Variants in GRB14 observed in about 807,000 individuals in gnomAD.
GRB14 encodes growth factor receptor-bound protein 14.
In GRB14, 38 loss-of-function variants were observed where a neutral mutation model predicts 69.1. The ratio of observed to expected loss-of-function variants is 0.55; its 90% CI spans 0.42 to 0.72. The LOEUF is 0.72. Among genes scored for constraint, GRB14 ranks in the 30% least tolerant of loss-of-function variants. GRB14 has a pLI of 0.00. For synonymous variants in GRB14, 247 were observed against 241.3 expected (o/e 1.02, Z -0.22); for missense variants, 666 against 666.1 (o/e 1.00, Z 0.00).
At chr2:164,528,388 G>T (rs1687836244) in intron 3 of GRB14, among the ~76,000 whole-genome samples, 1 of 152,018 alleles carries the variant, frequency 6.6e-6, no homozygotes, top group African/African-American at 2.4e-5. Context: ...TAAGGAATAT[G>T]GAAACTCTCT....
chr2:164,503,380 A>G (rs1687112832), intron 8 of GRB14, among the ~76,000 whole-genome samples: 1 of 149,330 alleles, frequency 6.7e-6, no homozygotes, highest in African/African-American at 2.5e-5. Flanking sequence ...TTTTTCTACT[A>G]AAGAAAAATA....
intron 5 of GRB14, 34 bp downstream of exon 5, chr2:164,524,970 A>G: frequency 8.5e-7 from 1 of 1,178,766 alleles, no homozygotes; most frequent in South Asian, 1.4e-5. Flanking sequence ...TCATTATGCT[A>G]TTATTTATAT....
chr2:164,526,881 AT>A (rs1574272534), intron 4 of GRB14, 132 bp downstream of exon 4: 5 of 447,454 alleles, frequency 1.1e-5, no homozygotes, highest in African/African-American at 1.0e-4. Context: ...TATGGGTATA[AT>A]TTCAAAGGAC....
intron 3 of GRB14, among the ~76,000 whole-genome samples, chr2:164,542,252 C>A (rs570857595): frequency 5.9e-5 from 9 of 152,240 alleles, no homozygotes; most frequent in Admixed American, 2.0e-4. Context: ...TGGACCCCTA[C>A]CTTGCACCAC....
chr2:164,609,019 T>C (rs1205830809), intron 2 of GRB14, among the ~76,000 whole-genome samples: 2 of 152,218 alleles, frequency 1.3e-5, no homozygotes, highest in East Asian at 1.9e-4. Context: ...ATCATGTATA[T>C]GTTTTATTCT....
chr2:164,559,856 T>A (rs186047707), intron 2 of GRB14, among the ~76,000 whole-genome samples: 6 of 152,328 alleles, frequency 3.9e-5, no homozygotes, highest in Admixed American at 3.9e-4. Context: ...ATTAAAGGAA[T>A]CTCCATACTG....
chr2:164,517,273 C>T (rs1312458835), intron 6 of GRB14, among the ~76,000 whole-genome samples: 1 of 152,064 alleles, frequency 6.6e-6, no homozygotes, highest in Non-Finnish European at 1.5e-5. Context: ...TGGGAATGAC[C>T]TGCTCCCATG....
At chr2:164,520,277 T>C (rs558298792) in intron 6 of GRB14, among the ~76,000 whole-genome samples, 7 of 152,188 alleles carry the variant, frequency 4.6e-5, no homozygotes, top group African/African-American at 7.2e-5. Flanking sequence ...AGTCAACAAA[T>C]GGTGCTGGGA....
intron 2 of GRB14, among the ~76,000 whole-genome samples, chr2:164,575,286 A>T (rs2105333521): frequency 6.6e-6 from 1 of 152,322 alleles, no homozygotes; most frequent in African/African-American, 2.4e-5. Context: ...AATATATAAA[A>T]TCTTGTTTTC....
rs75536691 is a variant in GRB14, at chr2:164,525,008, A to G, written c.674T>C (p.Leu225Ser). The change falls in exon 5 of 14, where the codon TTG becomes TCG. Residue 225 changes from leucine to serine, a missense_variant. Transcript: ENST00000263915. ...GTTAATAAAAATATATTTTACCTGC[A>G]AAATCTGTGTGGGGGATATTTCACC... is the stretch of plus-strand genomic sequence containing the variant. ...TNGEISPTQI[L>S]QMFLSSSTYP... is the part of the protein sequence containing the mutation. 7.2e-4 allele frequency: 1,126 copies of G among 1,558,066 alleles called. 16 individuals are homozygous for G. The East Asian group carries it at 0.024, about 33-fold the overall frequency.
intron 2 of GRB14, among the ~76,000 whole-genome samples, chr2:164,563,907 A>G (rs1332068868): frequency 6.6e-6 from 1 of 152,222 alleles, no homozygotes; most frequent in East Asian, 1.9e-4. Context: ...AATAAACAAG[A>G]TAGAGCAACT....
chr2:164,610,231 T>C (rs1690134799), intron 2 of GRB14, among the ~76,000 whole-genome samples: 1 of 152,234 alleles, frequency 6.6e-6, no homozygotes, highest in South Asian at 2.1e-4. Context: ...TTAAAACATT[T>C]GCTAGCATAT....
intron 3 of GRB14, among the ~76,000 whole-genome samples, chr2:164,528,851 A>G (rs1687849537): frequency 6.6e-6 from 1 of 152,192 alleles, no homozygotes; most frequent in South Asian, 2.1e-4. Flanking sequence ...GTCTAAAACC[A>G]AAGTCAAAAT....
chr2:164,530,051 A>T (rs1417414542), intron 3 of GRB14, among the ~76,000 whole-genome samples: 1 of 152,168 alleles, frequency 6.6e-6, no homozygotes, highest in Non-Finnish European at 1.5e-5. Flanking sequence ...TGTGAATCAT[A>T]AAAAGTAGTG....
At chr2:164,527,320 TG>T (rs1157436158) in intron 3 of GRB14, among the ~76,000 whole-genome samples, 185 bp from the exon 4 acceptor site, 1 of 150,864 alleles carries the variant, frequency 6.6e-6, no homozygotes, top group Non-Finnish European at 1.5e-5. Context: ...TGATAAAATT[TG>T]TCATCAATTT....
intron 2 of GRB14, among the ~76,000 whole-genome samples, chr2:164,601,231 AAATAAT>A (rs376887207): frequency 5.3e-5 from 8 of 151,798 alleles, no homozygotes; most frequent in Admixed American, 2.6e-4. Context: ...TATAAATTGA[AAATAAT>A]AATAATAATA....
chr2:164,504,815 G>T (rs888346463), intron 8 of GRB14, among the ~76,000 whole-genome samples: 3 of 152,144 alleles, frequency 2.0e-5, no homozygotes, highest in Admixed American at 1.3e-4. Flanking sequence ...TGTAAGGTGG[G>T]GTGATGGTCC....
intron 9 of GRB14, among the ~76,000 whole-genome samples, chr2:164,498,837 T>G (rs942765090): frequency 6.6e-6 from 1 of 152,196 alleles, no homozygotes; most frequent in African/African-American, 2.4e-5. Context: ...CTCTTCAAAC[T>G]ATGCTGTAGT....
At chr2:164,586,285 A>ATCCC in intron 2 of GRB14, among the ~76,000 whole-genome samples, 1 of 152,336 alleles carries the variant, frequency 6.6e-6, no homozygotes, top group Admixed American at 6.5e-5. Flanking sequence ...AGAAAGTTGC[A>ATCCC]TTGGAGTTAA....
Sources: allele counts gnomAD v4.1 joint callset (sites outside exome capture counted in the v4.1 genomes callset), GRCh38; gene constraint gnomAD v4.1.1; transcripts MANE v1.5; gene names NCBI Gene and HGNC (gene_info 2026-07-23, HGNC 2026-07-21).